The following HS6ST3 variants were observed in gnomAD, a reference collection of about 807,000 sequenced individuals.
HS6ST3 encodes the protein heparan-sulfate 6-O-sulfotransferase 3.
HS6ST3 carries 12 observed loss-of-function variants against 36.7 expected under a neutral mutation model. That is an observed-to-expected ratio of 0.33 (90% CI 0.21 to 0.53). The LOEUF (loss-of-function observed/expected upper bound fraction) is 0.53, where lower values mean the gene tolerates loss of function less well. Ranked by LOEUF, HS6ST3 falls within the 20% of genes least tolerant of loss-of-function variation. HS6ST3 has a pLI of 0.95. For missense variants in HS6ST3, 584 were observed against 640.9 expected (o/e 0.91, Z 0.96); for synonymous variants, 240 against 257.5 (o/e 0.93, Z 0.65).
intron 1 of HS6ST3, among the ~76,000 whole-genome samples, chr13:96,325,553 A>G (rs1033378394): frequency 2.0e-5 from 3 of 152,154 alleles, no homozygotes; most frequent in Non-Finnish European, 2.9e-5. Flanking sequence ...TAATCCGGAG[A>G]AGATTTAAAG....
chr13:96,356,038 T>A (rs2055208499), intron 1 of HS6ST3, among the ~76,000 whole-genome samples: 1 of 152,208 alleles, frequency 6.6e-6, no homozygotes, highest in African/African-American at 2.4e-5. Flanking sequence ...TTAAGTTTTA[T>A]CATGAGATTG....
At chr13:96,798,044 C>T (rs1178377701) in intron 1 of HS6ST3, among the ~76,000 whole-genome samples, 2 of 152,066 alleles carry the variant, frequency 1.3e-5, no homozygotes, top group Admixed American at 6.6e-5. Flanking sequence ...TAAGAGTTCC[C>T]ACAACCCCTT....
intron 1 of HS6ST3, among the ~76,000 whole-genome samples, chr13:96,130,301 T>C (rs2053969573): frequency 6.6e-6 from 1 of 152,164 alleles, no homozygotes; most frequent in Non-Finnish European, 1.5e-5. Context: ...CATTGGTGGC[T>C]GTCACCCTCC....
intron 1 of HS6ST3, among the ~76,000 whole-genome samples, chr13:96,558,097 C>G (rs1167481375): frequency 6.6e-6 from 1 of 152,004 alleles, no homozygotes; most frequent in East Asian, 1.9e-4. Flanking sequence ...TCTCTTTAGC[C>G]TTTACCTTTT....
At chr13:96,504,152 A>G (rs529628778) in intron 1 of HS6ST3, among the ~76,000 whole-genome samples, 1 of 152,240 alleles carries the variant, frequency 6.6e-6, no homozygotes, top group South Asian at 2.1e-4. Context: ...AGTTCATAGC[A>G]CTTAGGAAGT....
At chr13:96,731,312 C>A (rs1876147715) in intron 1 of HS6ST3, among the ~76,000 whole-genome samples, 1 of 152,238 alleles carries the variant, frequency 6.6e-6, no homozygotes, top group East Asian at 1.9e-4. Flanking sequence ...TTTTCATATT[C>A]CATATAAATG....
At chr13:96,241,908 C>T (rs768953748) in intron 1 of HS6ST3, among the ~76,000 whole-genome samples, 6 of 151,340 alleles carry the variant, frequency 4.0e-5, no homozygotes, top group Non-Finnish European at 8.8e-5. Flanking sequence ...GCCTCAGCCT[C>T]CCGAGTAGCT....
In HS6ST3 at chr13:96,834,229, G is replaced by A. The variant is rs1163636979; in HGVS notation, c.*1031G>A. 1 of 152,166 alleles carries A rather than the reference G, an allele frequency of 6.6e-6. No individual in the cohort carries two copies. Among genetic ancestry groups the A allele is most frequent in the East Asian group, 1.9e-4 (1 of 5,196 alleles). 9.4% of individuals were successfully genotyped at this position (152,166 alleles called of 1,614,324 possible). ...GCTTGGCCCAAAGAATAGGAACTTA[G>A]CTAGCATGTATACAAAATATATTTG... On this transcript the variant is annotated 3_prime_UTR_variant, in exon 2 of 2. Transcript: ENST00000376705.
At chr13:96,738,253 T>G (rs1186472263) in intron 1 of HS6ST3, among the ~76,000 whole-genome samples, 3 of 152,238 alleles carry the variant, frequency 2.0e-5, no homozygotes, top group African/African-American at 7.2e-5. Context: ...CATGGCCATT[T>G]GGATTGTCCA....
At chr13:96,705,192 G>T (rs1286968839) in intron 1 of HS6ST3, among the ~76,000 whole-genome samples, 1 of 152,056 alleles carries the variant, frequency 6.6e-6, no homozygotes, top group Admixed American at 6.6e-5. Context: ...CTATGGGTTT[G>T]GACAAATGTA....
At chr13:96,256,292 A>G (rs2054637285) in intron 1 of HS6ST3, among the ~76,000 whole-genome samples, 1 of 152,242 alleles carries the variant, frequency 6.6e-6, no homozygotes, top group South Asian at 2.1e-4. Context: ...GTATTGAAAC[A>G]TTCCATCATC....
chr13:96,576,416 T>G (rs1458535955), intron 1 of HS6ST3, among the ~76,000 whole-genome samples: 4 of 152,162 alleles, frequency 2.6e-5, no homozygotes, highest in African/African-American at 9.7e-5. Context: ...GTGTCATGGA[T>G]TGATGTCAGG....
chr13:96,532,552 G>C (rs1475911287), intron 1 of HS6ST3, among the ~76,000 whole-genome samples: 2 of 152,206 alleles, frequency 1.3e-5, no homozygotes, highest in African/African-American at 4.8e-5. Context: ...CTCAAAGAAG[G>C]TGAGAAAATG....
At chr13:96,153,055 T>C (rs2139324413) in intron 1 of HS6ST3, among the ~76,000 whole-genome samples, 1 of 152,304 alleles carries the variant, frequency 6.6e-6, no homozygotes, top group Admixed American at 6.5e-5. Flanking sequence ...CCAGAGCTTT[T>C]ACCAGTTCCT....
chr13:96,163,891 G>A (rs764721610), intron 1 of HS6ST3, among the ~76,000 whole-genome samples: 8 of 152,118 alleles, frequency 5.3e-5, no homozygotes, highest in Non-Finnish European at 1.2e-4. Context: ...GAAGACTTTA[G>A]ATATATTACT....
chr13:96,455,680 A>C (rs947371341), intron 1 of HS6ST3, among the ~76,000 whole-genome samples: 1 of 152,246 alleles, frequency 6.6e-6, no homozygotes, highest in Admixed American at 6.5e-5. Flanking sequence ...GAACTTGAAT[A>C]AGTGGCTACA....
chr13:96,241,700 A>G (rs1209005389), intron 1 of HS6ST3, among the ~76,000 whole-genome samples: 3 of 151,494 alleles, frequency 2.0e-5, no homozygotes, highest in Admixed American at 6.6e-5. Context: ...AATATGTTAC[A>G]TTGGATTAAA....
intron 1 of HS6ST3, among the ~76,000 whole-genome samples, chr13:96,148,752 A>G (rs1361082339): frequency 6.6e-6 from 1 of 152,240 alleles, no homozygotes; most frequent in Non-Finnish European, 1.5e-5. Context: ...GAACAGGATG[A>G]AACCCAGGTA....
chr13:96,350,908 G>T (rs182374688), intron 1 of HS6ST3, among the ~76,000 whole-genome samples: 196 of 152,236 alleles, frequency 1.3e-3, no homozygotes, highest in Non-Finnish European at 2.2e-3. Flanking sequence ...ATTTCATTTT[G>T]AAAATTGTTT....
Sources: gnomAD v4.1 joint callset for allele counts (sites outside exome capture counted in the v4.1 genomes callset) on GRCh38, gnomAD v4.1.1 for gene constraint, MANE v1.5 for transcripts, NCBI Gene and HGNC (gene_info 2026-07-23, HGNC 2026-07-21) for gene names.